The following NIBAN1 variants were observed in gnomAD, a reference collection of about 807,000 sequenced individuals.
NIBAN1 encodes niban apoptosis regulator 1.
A neutral mutation model predicts 75.1 loss-of-function variants in NIBAN1; 81 were observed. The ratio of observed to expected loss-of-function variants is 1.08; its 90% CI spans 0.90 to 1.30. The LOEUF is 1.30. Ranked by LOEUF, NIBAN1 falls within the 50% of genes most tolerant of loss-of-function variation. The probability of loss-of-function intolerance (pLI) is 0.00; values close to 1 mark genes in which losing one functional copy is unlikely to be tolerated. For synonymous variants in NIBAN1, 436 were observed against 424.8 expected (o/e 1.03, Z -0.32); for missense variants, 1,133 against 1,128.1 (o/e 1.00, Z -0.06).
chr1:184,830,321 C>T (rs554685939), intron 6 of NIBAN1, among the ~76,000 whole-genome samples: 1 of 152,322 alleles, frequency 6.6e-6, no homozygotes, highest in East Asian at 1.9e-4. Context: ...GCTTCAGCCT[C>T]CCCTTCTGAC....
chr1:184,806,709 A>T (rs1654207976), intron 10 of NIBAN1, among the ~76,000 whole-genome samples: 1 of 151,992 alleles, frequency 6.6e-6, no homozygotes. Flanking sequence ...TTATGAAAAA[A>T]AAAGTTCTCC....
At position 184,818,776 on chromosome 1, in the gene NIBAN1, T is replaced by C; in HGVS notation, c.1035A>G (p.Pro345=). 1 of 1,612,032 alleles carries C rather than the reference T, an allele frequency of 6.2e-7. No individual in the cohort carries two copies. Among genetic ancestry groups the C allele is most frequent in the Non-Finnish European group, 8.5e-7 (1 of 1,178,416 alleles). Residue 345 remains proline, a synonymous_variant, in exon 9 of 14, where the codon CCA becomes CCG. Coordinates refer to ENST00000367511, the MANE Select transcript of NIBAN1 (RefSeq NM_052966.4). ...AEKSCLESVQ[P]FLASILEELM... ...GCTCCTCCAGGATGGATGCCAGGAA[T>C]GGCTGCACACTCTCCAAGCAGCTTT... is the stretch of plus-strand genomic sequence containing the variant.
At chr1:184,863,332 C>T (rs1655866834) in intron 5 of NIBAN1, among the ~76,000 whole-genome samples, 1 of 152,214 alleles carries the variant, frequency 6.6e-6, no homozygotes, top group Non-Finnish European at 1.5e-5. Flanking sequence ...CTTGAGGCTT[C>T]ACCTCTGATA....
Position 184,805,231 on chromosome 1 carries a change from C to A in NIBAN1, c.1446+715G>T, listed in dbSNP as rs1180741398. Among the ~76,000 whole-genome samples the A allele has an allele frequency of 3.9e-5, 6 of 152,200 alleles. No homozygotes were observed. The East Asian group carries it at 9.6e-4, about 24-fold the overall frequency. ...TGTTCCAAGGCAATGTTTAGGGGAA[C>A]TAGAAGGCAGTAAAAAAAATTAGTG... On this transcript the variant is annotated intron_variant, in intron 11 of 13. Coordinates refer to ENST00000367511, the MANE Select transcript of NIBAN1 (RefSeq NM_052966.4).
At chr1:184,898,566 C>T (rs1354775212) in intron 2 of NIBAN1, among the ~76,000 whole-genome samples, 4 of 152,078 alleles carry the variant, frequency 2.6e-5, no homozygotes, top group South Asian at 2.1e-4. Context: ...CAGTGAGCCG[C>T]GATTGTATCA....
chr1:184,868,187 TCCCACTAACA>T (rs1027509098), intron 5 of NIBAN1: 3 of 297,450 alleles, frequency 1.0e-5, no homozygotes, highest in African/African-American at 6.8e-5. Context: ...AATAGAAATG[TCCCACTAACA>T]CCCAGACGTT....
chr1:184,955,298 TTTC>T (rs1313823131), intron 1 of NIBAN1, among the ~76,000 whole-genome samples: 2 of 148,236 alleles, frequency 1.3e-5, no homozygotes, highest in African/African-American at 2.5e-5. Flanking sequence ...GCTTCAATCT[TTTC>T]TTTTCTTTTC....
intron 5 of NIBAN1, chr1:184,868,561 G>C (rs1656017409): frequency 6.6e-6 from 1 of 152,174 alleles, no homozygotes; most frequent in Non-Finnish European, 1.5e-5. Flanking sequence ...ACAACTTCAT[G>C]TTTAAAAGCA....
chr1:184,939,088 T>C (rs762440285), intron 1 of NIBAN1, among the ~76,000 whole-genome samples: 5 of 152,224 alleles, frequency 3.3e-5, no homozygotes, highest in Non-Finnish European at 2.9e-5. Context: ...CTAGCATTCA[T>C]TCAACATTCA....
chr1:184,793,964 GC>G lies in NIBAN1; in HGVS notation c.*1012del, dbSNP rs1410674677. ...TTATTTATTTATTCATTCATTTTGTGCCCTTCTGGGAATGAACCAGGACTAT... is the reference window on the plus strand; with the variant it reads ...TTATTTATTTATTCATTCATTTTGTGCCTTCTGGGAATGAACCAGGACTAT... On this transcript the variant is annotated 3_prime_UTR_variant, in exon 14 of 14. Coordinates refer to ENST00000367511, the MANE Select transcript of NIBAN1 (RefSeq NM_052966.4). 1.3e-5 allele frequency: 2 copies of G among 151,636 alleles called. No individual in the cohort carries two copies. The highest frequency in any genetic ancestry group is 2.4e-5 in the African/African-American group (1 of 41,244). The allele number at this position is 151,636 out of a possible 1,614,324, so 9.4% of individuals were successfully genotyped here.
At position 184,808,136 on chromosome 1, in the gene NIBAN1, T is replaced by C. The variant is rs1265751959; in HGVS notation, c.1273A>G (p.Ser425Gly). The change falls in exon 10 of 14, where the codon AGC (serine) becomes GGC (glycine). Residue 425 changes from serine to glycine, a missense_variant. Transcript: ENST00000367511. ...TCAATGTGGGGGAATCTGAAGCGGCTCTTGAGATCCTGCAGGCGCTCGTGA... is the reference window on the plus strand; with the variant it reads ...TCAATGTGGGGGAATCTGAAGCGGCCCTTGAGATCCTGCAGGCGCTCGTGA... ...LLHERLQDLKSRFRFPHIDLV... is the reference protein window; with the variant it reads ...LLHERLQDLKGRFRFPHIDLV... 4 of 1,613,968 alleles carry C rather than the reference T, an allele frequency of 2.5e-6. No individual in the cohort carries two copies. The East Asian group carries it at 8.9e-5, about 36-fold the overall frequency.
At position 184,823,242 on chromosome 1, in the gene NIBAN1, C is replaced by T. The variant is rs577335644; in HGVS notation, c.910G>A (p.Gly304Ser). 4.3e-6 allele frequency: 7 copies of T among 1,614,170 alleles called. No individual in the cohort carries two copies. Among genetic ancestry groups the T allele is most frequent in the African/African-American group, 4.0e-5 (3 of 75,030 alleles). The change falls in exon 8 of 14, where the codon GGC (glycine) becomes AGC (serine). Residue 304 changes from glycine to serine, a missense_variant. Physicochemically the swap from Gly to Ser is moderately conservative, Grantham distance 56. Transcript: ENST00000367511. ...TCAGAACGGATCGTTCCTTCCAGGC[C>T]CTTTGTCAGAGCTCTGCATTCCTCC... ...LKEECRALTK[G>S]LEGTIRSDMD... is the part of the protein sequence containing the mutation.
intron 6 of NIBAN1, among the ~76,000 whole-genome samples, chr1:184,827,507 C>G (rs577676141): frequency 1.5e-4 from 22 of 150,002 alleles, no homozygotes; most frequent in African/African-American, 5.2e-4. Flanking sequence ...TAGCCTCTTC[C>G]CCTCAGAACA....
rs778589156 is a variant in NIBAN1 at position 184,791,205 on chromosome 1, A to G, written c.*3772T>C. 1 of 359,912 alleles carries G rather than the reference A, an allele frequency of 2.8e-6. No individual in the cohort carries two copies. The highest frequency in any genetic ancestry group is 5.5e-6 in the Non-Finnish European group (1 of 182,556). 22.3% of individuals were successfully genotyped at this position (359,912 alleles called of 1,614,324 possible). A position where few individuals can be genotyped will look rare whatever the true frequency, so the allele number is the denominator to read the frequency against. On this transcript the variant is annotated 3_prime_UTR_variant, in exon 14 of 14. Transcript: ENST00000367511. The stretch of plus-strand genomic sequence containing the variant: ...GGCAAACCCTCAAACCCGTCTCTTT[A>G]TGGTAAAGTGTGAAGGCACATGTTG...
chr1:184,967,093 G>A (rs971222600), intron 1 of NIBAN1, among the ~76,000 whole-genome samples: 4 of 152,072 alleles, frequency 2.6e-5, no homozygotes, highest in African/African-American at 9.7e-5. Flanking sequence ...ATGCATTTTC[G>A]CATTGGCAGC....
intron 10 of NIBAN1, among the ~76,000 whole-genome samples, chr1:184,807,714 G>A (rs1044416333): frequency 1.3e-5 from 2 of 152,116 alleles, no homozygotes; most frequent in Non-Finnish European, 1.5e-5. Context: ...ACTTGAACCC[G>A]GGAGGCAAAG....
At chr1:184,806,910 G>C (rs1237128476) in intron 10 of NIBAN1, among the ~76,000 whole-genome samples, 1 of 151,940 alleles carries the variant, frequency 6.6e-6, no homozygotes, top group East Asian at 1.9e-4. Flanking sequence ...TGGGACTACA[G>C]GTGTGCACCA....
At chr1:184,825,822 C>A (rs1289288213) in intron 6 of NIBAN1, among the ~76,000 whole-genome samples, 1 of 152,164 alleles carries the variant, frequency 6.6e-6, no homozygotes, top group African/African-American at 2.4e-5. Flanking sequence ...AGGGGAAGCA[C>A]AGTTTTAGGA....
At chr1:184,807,553 C>A (rs182751436) in intron 10 of NIBAN1, among the ~76,000 whole-genome samples, 7 of 152,152 alleles carry the variant, frequency 4.6e-5, no homozygotes, top group Non-Finnish European at 1.5e-5. Context: ...TTTGGGAGGC[C>A]GAGGTGGGCA....
Sources: allele counts gnomAD v4.1 joint callset (sites outside exome capture counted in the v4.1 genomes callset), GRCh38; gene constraint gnomAD v4.1.1; transcripts MANE v1.5; gene names NCBI Gene and HGNC (gene_info 2026-07-23, HGNC 2026-07-21).